RAP2A: variants seen among roughly 807,000 people sequenced by gnomAD.
RAP2A encodes RAP2A, member of RAS oncogene family, also known as ras-related protein Rap-2a.
A neutral mutation model predicts 15.1 loss-of-function variants in RAP2A; 5 were observed. That is an observed-to-expected ratio of 0.33 (90% confidence interval 0.17 to 0.70). The LOEUF (loss-of-function observed/expected upper bound fraction) is 0.70, where lower values mean the gene tolerates loss of function less well. Among genes scored for constraint, RAP2A ranks in the 30% least tolerant of loss-of-function variants. RAP2A has a pLI of 0.68. For missense variants in RAP2A, 111 were observed against 240.3 expected (o/e 0.46, Z 3.56); for synonymous variants, 110 against 99.7 (o/e 1.10, Z -0.62).
At chr13:97,459,258 G>T (rs1424223422) in intron 1 of RAP2A, among the ~76,000 whole-genome samples, 1 of 151,948 alleles carries the variant, frequency 6.6e-6, no homozygotes. Flanking sequence ...ATGATGAAAA[G>T]GGGGTAAGGA....
At chr13:97,455,792 C>T (rs1311056971) in intron 1 of RAP2A, among the ~76,000 whole-genome samples, 1 of 151,434 alleles carries the variant, frequency 6.6e-6, no homozygotes, top group Non-Finnish European at 1.5e-5. Context: ...TTTTTCTCTA[C>T]TTTTCTCCTC....
chr13:97,446,268 C>CT (rs779649460), intron 1 of RAP2A, among the ~76,000 whole-genome samples: 15 of 151,432 alleles, frequency 9.9e-5, no homozygotes, highest in Non-Finnish European at 1.6e-4. Context: ...CAAACTCTCT[C>CT]TTTTTTTTTA....
rs965982104 is a variant in RAP2A at position 97,466,217 on chromosome 13, A to C, written c.*1775A>C. On this transcript the variant is annotated 3_prime_UTR_variant, in exon 2 of 2. Coordinates refer to ENST00000245304, the MANE Select transcript of RAP2A (RefSeq NM_021033.7). ...CATTAAGCTTAGAGGGTGAAAAAAA[A>C]AAAAAAGATTGATAGTATTTTTCAT... 6.6e-6 allele frequency: 1 copy of C among 152,156 alleles called. No individual in the cohort carries two copies. Among genetic ancestry groups the C allele is most frequent in the African/African-American group, 2.4e-5 (1 of 41,430 alleles). The allele number at this position is 152,156 out of a possible 1,614,324, so 9.4% of individuals were successfully genotyped here.
chr13:97,440,828 A>AT (rs747905479), intron 1 of RAP2A, among the ~76,000 whole-genome samples: 3 of 151,728 alleles, frequency 2.0e-5, no homozygotes, highest in East Asian at 1.9e-4. Flanking sequence ...TCATTCATTC[A>AT]TTTTTTTTGT....
chr13:97,448,352 G>T (rs1044028665), intron 1 of RAP2A, among the ~76,000 whole-genome samples: 2 of 152,126 alleles, frequency 1.3e-5, no homozygotes, highest in African/African-American at 2.4e-5. Flanking sequence ...ACTTAGAGAA[G>T]GATAATTCTC....
chr13:97,448,030 C>G, intron 1 of RAP2A, among the ~76,000 whole-genome samples: 1 of 150,192 alleles, frequency 6.7e-6, no homozygotes, highest in Non-Finnish European at 1.5e-5. Context: ...GCTAGGCCTT[C>G]AGAGCCATGG....
At chr13:97,449,521 C>G (rs1594324717) in intron 1 of RAP2A, among the ~76,000 whole-genome samples, 1 of 152,134 alleles carries the variant, frequency 6.6e-6, no homozygotes, top group Non-Finnish European at 1.5e-5. Context: ...TGCTTAGAGA[C>G]TATTGGACAC....
chr13:97,451,966 A>G (rs1024583350), intron 1 of RAP2A, among the ~76,000 whole-genome samples: 3 of 151,158 alleles, frequency 2.0e-5, no homozygotes, highest in Non-Finnish European at 1.5e-5. Context: ...TCTTTTGTCC[A>G]TTTTAAAAAT....
At chr13:97,443,361 T>G (rs149745092) in intron 1 of RAP2A, among the ~76,000 whole-genome samples, 1 of 152,376 alleles carries the variant, frequency 6.6e-6, no homozygotes, top group East Asian at 1.9e-4. Context: ...CTACTAAGTA[T>G]CTTTACAGCT....
At chr13:97,459,165 G>A (rs1297665180) in intron 1 of RAP2A, among the ~76,000 whole-genome samples, 2 of 152,060 alleles carry the variant, frequency 1.3e-5, no homozygotes, top group South Asian at 2.1e-4. Flanking sequence ...TGTAAGCAAG[G>A]TGGTATCTTA....
intron 1 of RAP2A, among the ~76,000 whole-genome samples, chr13:97,462,775 G>C (rs1000035438): frequency 6.6e-6 from 1 of 152,132 alleles, no homozygotes; most frequent in Non-Finnish European, 1.5e-5. Context: ...ATGCCCTCTT[G>C]TTGAGACCAT....
At chr13:97,436,285 T>G (rs1340571612) in intron 1 of RAP2A, 1 of 152,170 alleles carries the variant, frequency 6.6e-6, no homozygotes, top group Non-Finnish European at 1.5e-5. Flanking sequence ...AGTATGAGGA[T>G]GGCATTTAAG....
rs1461859600 is a variant in RAP2A at position 97,464,256 on chromosome 13, T to TGA, written c.373_374dup (p.Val126LysfsTer37). The stretch of plus-strand genomic sequence containing the variant: ...TTGGGAACAAAGTGGACCTGGAAAG[T>TGA]GAGAGAGAAGTATCGTCCAGCGAAG... On this transcript the variant is annotated frameshift_variant, in exon 2 of 2. Transcript: ENST00000245304. LOFTEE classifies it high-confidence loss of function. 6.2e-7 allele frequency: 1 copy of TGA among 1,614,112 alleles called. No homozygotes were observed. Among genetic ancestry groups the TGA allele is most frequent in the Admixed American group, 1.7e-5 (1 of 60,018 alleles).
In RAP2A at chr13:97,434,237, C is replaced by G. The variant is rs1276459486; in HGVS notation, c.-234C>G. The stretch of plus-strand genomic sequence containing the variant: ...CTCTCTCTGCTCGCCCTCAGTCCCA[C>G]CCGGTGCCTACGGGGCCGCATCGCC... On this transcript the variant is annotated 5_prime_UTR_variant, in exon 1 of 2. Transcript: ENST00000245304. 7 of 150,078 alleles carry G rather than the reference C, an allele frequency of 4.7e-5. No homozygotes were observed. Among genetic ancestry groups the G allele is most frequent in the Non-Finnish European group, 1.0e-4 (7 of 69,042 alleles). The allele number at this position is 150,078 out of a possible 1,614,324, so 9.3% of individuals were successfully genotyped here.
At chr13:97,455,417 C>A (rs559119049) in intron 1 of RAP2A, among the ~76,000 whole-genome samples, 19 of 151,494 alleles carry the variant, frequency 1.3e-4, no homozygotes, top group African/African-American at 4.6e-4. Flanking sequence ...TTTTCTGGTT[C>A]TTTGCATGTT....
Position 97,464,577 on chromosome 13 carries a change from C to A in RAP2A, c.*135C>A. The A allele has an allele frequency of 2.5e-6, 2 of 785,242 alleles. No homozygotes were observed. The highest frequency in any genetic ancestry group is 1.7e-5 in the African/African-American group (1 of 58,360). 48.6% of individuals were successfully genotyped at this position (785,242 alleles called of 1,614,324 possible). A position where few individuals can be genotyped will look rare whatever the true frequency, so the allele number is the denominator to read the frequency against. ...ACTGCAGCCCTTATTCAGAATTGAGCAGTGATTGTCAGTTGATATCTCTGA... is the reference window on the plus strand; with the variant it reads ...ACTGCAGCCCTTATTCAGAATTGAGAAGTGATTGTCAGTTGATATCTCTGA... On this transcript the variant is annotated 3_prime_UTR_variant, in exon 2 of 2. Transcript: ENST00000245304.
In RAP2A at chr13:97,434,572, C is replaced by T. The variant is rs778133312; in HGVS notation, c.102C>T (p.Pro34=). The change falls in exon 1 of 2, where the codon CCC becomes CCT. Residue 34 remains proline (P), a synonymous_variant. Transcript: ENST00000245304. ...VTGTFIEKYD[P]TIEDFYRKEI... is the part of the protein sequence containing the mutation. ...GCACCTTCATCGAGAAATACGACCC[C>T]ACCATCGAGGACTTCTACCGCAAGG... 3.7e-6 allele frequency: 6 copies of T among 1,614,008 alleles called. No individual in the cohort carries two copies. The highest frequency in any genetic ancestry group is 5.1e-6 in the Non-Finnish European group (6 of 1,180,022).
At position 97,462,799 on chromosome 13, in the gene RAP2A, T is replaced by C. The variant is rs536020659; in HGVS notation, c.315-1406T>C. ...TGTTGAGACCATTCTTAGTTTGATA[T>C]AGTGTCAAAGAAAAAAAGTGAGAAT... On this transcript the variant is annotated intron_variant, in intron 1 of 1. Coordinates refer to ENST00000245304, the MANE Select transcript of RAP2A (RefSeq NM_021033.7). Among the ~76,000 whole-genome samples, 25 of 152,328 alleles carry C rather than the reference T, an allele frequency of 1.6e-4. 1 individual carries two copies. The highest frequency in any genetic ancestry group is 1.0e-3 in the Admixed American group (16 of 15,300).
chr13:97,446,165 G>C (rs962855874), intron 1 of RAP2A, among the ~76,000 whole-genome samples: 1 of 152,114 alleles, frequency 6.6e-6, no homozygotes, highest in Non-Finnish European at 1.5e-5. Context: ...GTCTATGCTT[G>C]TTGTTCTCTA....
Sources: allele counts gnomAD v4.1 joint callset (sites outside exome capture counted in the v4.1 genomes callset), GRCh38; gene constraint gnomAD v4.1.1; transcripts MANE v1.5; gene names NCBI Gene and HGNC (gene_info 2026-07-23, HGNC 2026-07-21).